Variants in ALG6 observed in about 807,000 individuals in gnomAD.
The protein encoded by ALG6 is dolichyl pyrophosphate Man9GlcNAc2 alpha-1,3-glucosyltransferase.
In ALG6, 46 loss-of-function variants were observed where a neutral mutation model predicts 66.6. The ratio of observed to expected loss-of-function variants is 0.69; its 90% confidence interval spans 0.55 to 0.88. The LOEUF (loss-of-function observed/expected upper bound fraction) is 0.88. Among genes scored for constraint, ALG6 ranks in the 40% least tolerant of loss-of-function variants. The pLI is 0.00. For missense variants in ALG6, 505 were observed against 586.8 expected, an observed-to-expected ratio of 0.86 and a Z score of 1.44; for synonymous variants, 185 against 203.7, an observed-to-expected ratio of 0.91 and a Z score of 0.78.
Position 63,370,424 on chromosome 1 carries a change from G to A in ALG6, c.-207-347G>A, listed in dbSNP as rs550946023. On this transcript the variant is annotated intron_variant, in intron 1 of 14. Transcript: ENST00000263440. ...AAGATAAATCATGCCTTTGTCTACGGTTGTGGTTTTATATTTACCTGTAGG... is the reference window on the plus strand; with the variant it reads ...AAGATAAATCATGCCTTTGTCTACGATTGTGGTTTTATATTTACCTGTAGG... Among the ~76,000 whole-genome samples, 7 of 152,238 alleles carry A rather than the reference G, an allele frequency of 4.6e-5. No individual in the cohort carries two copies. The East Asian group carries it at 1.4e-3, about 29-fold the overall frequency.
intron 3 of ALG6, among the ~76,000 whole-genome samples, chr1:63,397,277 C>T (rs1401206237): frequency 6.6e-6 from 1 of 152,046 alleles, no homozygotes; most frequent in Non-Finnish European, 1.5e-5. Flanking sequence ...CCTCTGCTGC[C>T]TGGGTTCAAG....
intron 2 of ALG6, among the ~76,000 whole-genome samples, chr1:63,394,403 G>A (rs1392435249): frequency 2.6e-5 from 4 of 151,590 alleles, no homozygotes; most frequent in Non-Finnish European, 4.4e-5. Context: ...CTTTTGAGAC[G>A]GAGTCTCACT....
At position 63,396,551 on chromosome 1, in the gene ALG6, C is replaced by T. The variant is rs759308812; in HGVS notation, c.121C>T (p.Gln41Ter). The change falls in exon 3 of 15, where the codon CAG (glutamine) becomes TAG (stop). Residue 41 changes from glutamine (Q) to a stop codon, truncating the protein, a stop_gained. Coordinates refer to ENST00000263440, the MANE Select transcript of ALG6 (RefSeq NM_013339.4). LOFTEE classifies it high-confidence loss of function. ...GCCTATGTTTGGTGATTATGAAGCT[C>T]AGAGACACTGGCAAGAAATAACTTT... is the stretch of plus-strand genomic sequence containing the variant. ...KPPMFGDYEA[Q>*]RHWQEITFNL... 2 of 1,614,072 alleles carry T rather than the reference C, an allele frequency of 1.2e-6. No homozygotes were observed. The highest frequency in any genetic ancestry group is 2.2e-5 in the East Asian group (1 of 44,856).
intron 2 of ALG6, among the ~76,000 whole-genome samples, chr1:63,387,608 C>G (rs1187022069): frequency 6.0e-5 from 7 of 116,706 alleles, no homozygotes; most frequent in African/African-American, 2.3e-4. Flanking sequence ...GTGGTGTGAT[C>G]TCGGCTCACT....
chr1:63,412,703 T>C (rs1644522991), intron 9 of ALG6, among the ~76,000 whole-genome samples: 1 of 152,196 alleles, frequency 6.6e-6, no homozygotes, highest in South Asian at 2.1e-4. Flanking sequence ...CATTTAATGC[T>C]AGTTTAATCA....
At chr1:63,372,671 C>CT (rs1235843296) in intron 2 of ALG6, among the ~76,000 whole-genome samples, 3 of 151,670 alleles carry the variant, frequency 2.0e-5, no homozygotes, top group African/African-American at 4.8e-5. Flanking sequence ...TATATCGTAG[C>CT]TTTTTTTTGA....
Position 63,436,826 on chromosome 1 carries a change from C to G in ALG6, c.1330C>G (p.Leu444Val). The G allele has an allele frequency of 6.2e-7, 1 of 1,613,614 alleles. No homozygotes were observed. The highest frequency in any genetic ancestry group is 8.5e-7 in the Non-Finnish European group (1 of 1,179,684). Reference sequence around the variant, plus strand: ...GTAATCCTTTTTTTCCTTGCAGTTTCTTATCTCAGTCATCACTATGGTGCT... The same window carrying G: ...GTAATCCTTTTTTTCCTTGCAGTTTGTTATCTCAGTCATCACTATGGTGCT... Reference protein sequence around the residue: ...FLSRIIQYLFLISVITMVLLT... With the variant: ...FLSRIIQYLFVISVITMVLLT... Residue 444 changes from leucine (L) to valine (V), a missense_variant, in exon 15 of 15, where the codon CTT becomes GTT. By Grantham distance (32) the Leu-to-Val change is conservative. Transcript: ENST00000263440.
intron 3 of ALG6, among the ~76,000 whole-genome samples, chr1:63,396,887 T>C (rs943263621): frequency 4.6e-5 from 7 of 152,224 alleles, no homozygotes; most frequent in African/African-American, 1.7e-4. Flanking sequence ...AGCACCATCA[T>C]AGGCTAAAAA....
chr1:63,404,633 T>A, intron 5 of ALG6, 92 bp downstream of exon 5: 1 of 1,029,992 alleles, frequency 9.7e-7, no homozygotes, highest in Non-Finnish European at 1.5e-6. Context: ...TTACTGACTT[T>A]AAAATTGTGC....
At chr1:63,428,904 AT>A (rs1644630877) in intron 13 of ALG6, 23 bp from the exon 14 acceptor site, 3 of 1,607,596 alleles carry the variant, frequency 1.9e-6, no homozygotes, top group Non-Finnish European at 1.7e-6. Flanking sequence ...TTCTCTTGTG[AT>A]TTTTAAAAAT....
rs1390346646 is a variant in ALG6 at position 63,382,669 on chromosome 1, T to TG, written c.82+11610_82+11611insG. On this transcript the variant is annotated intron_variant, in intron 2 of 14. Transcript: ENST00000263440. ...TTTTTTTGTTTGTTTTTTTTTGTTT[T>TG]TTTTTTTTTGTTTTTTTTTTTTTTG... Among the ~76,000 whole-genome samples the TG allele has an allele frequency of 3.9e-3, 432 of 110,534 alleles. 2 individuals carry two copies. The highest frequency in any genetic ancestry group is 0.013 in the African/African-American group (379 of 28,344). 72.5% of individuals were successfully genotyped at this position (110,534 alleles called of 152,430 possible). A position where few individuals can be genotyped will look rare whatever the true frequency, so the allele number is the denominator to read the frequency against.
In ALG6 at chr1:63,433,512, A is replaced by G. The variant is rs1259018721; in HGVS notation, c.1327-3311A>G. Among the ~76,000 whole-genome samples, 1 of 152,130 alleles carries G rather than the reference A, an allele frequency of 6.6e-6. No individual in the cohort carries two copies. Among genetic ancestry groups the G allele is most frequent in the Non-Finnish European group, 1.5e-5 (1 of 68,028 alleles). On this transcript the variant is annotated intron_variant, in intron 14 of 14. Transcript: ENST00000263440. The surrounding 1 kb of genome is among the most constrained non-coding windows in gnomAD (Gnocchi z 4.2). ...AAGTTAAGAGGTGAACAGGAAAGAC[A>G]AGGAGAGGATTAACTTTACTCAGGG... is the stretch of plus-strand genomic sequence containing the variant.
intron 2 of ALG6, among the ~76,000 whole-genome samples, chr1:63,379,363 A>G (rs1474231055): frequency 6.6e-6 from 1 of 152,108 alleles, no homozygotes; most frequent in Non-Finnish European, 1.5e-5. Flanking sequence ...AAATGCAGGC[A>G]TATGGTTAGG....
intron 14 of ALG6, 124 bp downstream of exon 14, chr1:63,429,250 G>A (rs1644633188): frequency 9.6e-6 from 7 of 730,832 alleles, no homozygotes; most frequent in Middle Eastern, 3.9e-4. Context: ...CTCATTTAAA[G>A]TATACAACTT....
At chr1:63,397,947 G>A (rs1458340580) in intron 3 of ALG6, among the ~76,000 whole-genome samples, 2 of 152,120 alleles carry the variant, frequency 1.3e-5, no homozygotes, top group African/African-American at 2.4e-5. Flanking sequence ...AGCATGTAAC[G>A]AACTCTCAAT....
At chr1:63,374,351 C>T (rs1001754953) in intron 2 of ALG6, among the ~76,000 whole-genome samples, 19 of 152,128 alleles carry the variant, frequency 1.2e-4, no homozygotes, top group Admixed American at 7.9e-4. Flanking sequence ...GGTTCTTGGC[C>T]GGGCCGTGGC....
chr1:63,411,913 G>A lies in ALG6; in HGVS notation c.681-13G>A. The stretch of plus-strand genomic sequence containing the variant: ...TTTCCCTATCTTACTGCCTACCTTT[G>A]TTTTTGTTTTAGGTTTGTGTTGCTA... On this transcript the variant is annotated splice_polypyrimidine_tract_variant and intron_variant, in intron 8 of 14. Coordinates refer to ENST00000263440, the MANE Select transcript of ALG6 (RefSeq NM_013339.4). 1 of 1,613,962 alleles carries A rather than the reference G, an allele frequency of 6.2e-7. No individual in the cohort carries two copies. The highest frequency in any genetic ancestry group is 8.5e-7 in the Non-Finnish European group (1 of 1,179,906).
At chr1:63,388,332 A>C (rs919235474) in intron 2 of ALG6, among the ~76,000 whole-genome samples, 6 of 152,092 alleles carry the variant, frequency 3.9e-5, no homozygotes, top group African/African-American at 1.4e-4. Flanking sequence ...TGCCCAGCTA[A>C]TTTTTTGTAT....
chr1:63,379,344 A>G (rs1648228763), intron 2 of ALG6, among the ~76,000 whole-genome samples: 1 of 152,208 alleles, frequency 6.6e-6, no homozygotes, highest in South Asian at 2.1e-4. Context: ...TTCAGGCCCC[A>G]ACCTGGGCAA....
Sources: gnomAD v4.1 joint callset for allele counts (sites outside exome capture counted in the v4.1 genomes callset) on GRCh38, gnomAD v4.1.1 for gene constraint, Gnocchi (gnomAD v3.1) non-coding constraint, MANE v1.5 for transcripts, NCBI Gene and HGNC (gene_info 2026-07-23, HGNC 2026-07-21) for gene names.